Variants in TDRD12 observed in about 807,000 individuals in gnomAD.
The protein encoded by TDRD12 is putative ATP-dependent RNA helicase TDRD12.
TDRD12 carries 158 observed loss-of-function variants against 133.5 expected under a neutral mutation model. The observed-to-expected ratio is 1.18, with a 90% CI of 1.04 to 1.35. The LOEUF (loss-of-function observed/expected upper bound fraction) is 1.35, where lower values mean the gene tolerates loss of function less well. Ranked by LOEUF, TDRD12 falls within the 40% of genes most tolerant of loss-of-function variation. The probability of loss-of-function intolerance (pLI) is 0.00; values close to 1 mark genes in which losing one functional copy is unlikely to be tolerated. For missense variants in TDRD12, 1,443 were observed against 1,321.3 expected (o/e 1.09, Z -1.43); for synonymous variants, 460 against 477.9 (o/e 0.96, Z 0.49).
chr19:32,733,438 C>A (rs1227019895), intron 2 of TDRD12, among the ~76,000 whole-genome samples: 1 of 150,798 alleles, frequency 6.6e-6, no homozygotes, highest in Non-Finnish European at 1.5e-5. Context: ...CCATTGCACT[C>A]CAGCCTAGGC....
At position 32,769,317 on chromosome 19, in the gene TDRD12, C is replaced by A. The variant is rs1438580845; in HGVS notation, c.866-3436C>A. ...GGTCAGGATTTGGTTTTGTTTTTTCCATGTGGGCATCCAGTTGTTCCACTA... is the reference window on the plus strand; with the variant it reads ...GGTCAGGATTTGGTTTTGTTTTTTCAATGTGGGCATCCAGTTGTTCCACTA... On this transcript the variant is annotated intron_variant, in intron 8 of 27. Coordinates refer to ENST00000444215, the Ensembl canonical transcript of TDRD12. Among the ~76,000 whole-genome samples, 3 of 152,048 alleles carry A rather than the reference C, an allele frequency of 2.0e-5. No homozygotes were observed. The East Asian group carries it at 5.8e-4, about 29-fold the overall frequency.
intron 10 of TDRD12, among the ~76,000 whole-genome samples, chr19:32,774,429 T>G (rs1423647271): frequency 4.6e-5 from 7 of 152,194 alleles, no homozygotes; most frequent in Non-Finnish European, 1.0e-4. Flanking sequence ...ATTTCTTGCA[T>G]TGCAGGTCTG....
chr19:32,767,190 G>A (rs190080675), intron 8 of TDRD12, among the ~76,000 whole-genome samples: 38 of 150,998 alleles, frequency 2.5e-4, no homozygotes, highest in Admixed American at 5.3e-4. Context: ...GTGCAGTGGC[G>A]CCATCTCAGC....
At chr19:32,779,361 G>A (rs1568473394) in intron 11 of TDRD12, among the ~76,000 whole-genome samples, 1 of 152,132 alleles carries the variant, frequency 6.6e-6, no homozygotes, top group Non-Finnish European at 1.5e-5. Context: ...GTACCAGTAA[G>A]CGGTTGTATT....
chr19:32,732,595 C>T (rs1409517422), intron 2 of TDRD12, among the ~76,000 whole-genome samples: 1 of 152,210 alleles, frequency 6.6e-6, no homozygotes, highest in Non-Finnish European at 1.5e-5. Context: ...GTGGCCCCTC[C>T]TTGCCTTCTT....
At chr19:32,797,437 G>A (rs1348800460) in intron 14 of TDRD12, among the ~76,000 whole-genome samples, 1 of 152,162 alleles carries the variant, frequency 6.6e-6, no homozygotes, top group African/African-American at 2.4e-5. Flanking sequence ...TCACCTCTCT[G>A]TACCTCAAGT....
rs112827272 is a variant in TDRD12 at position 32,799,233 on chromosome 19, G to A, written c.1758+798G>A. Among the ~76,000 whole-genome samples the A allele has an allele frequency of 2.9e-4, 44 of 152,168 alleles. 1 individual carries two copies. The highest frequency in any genetic ancestry group is 3.4e-3 in the Middle Eastern group (1 of 294). On this transcript the variant is annotated intron_variant, in intron 16 of 27. Coordinates refer to ENST00000444215, the Ensembl canonical transcript of TDRD12. ...CAGGCTTTGTTACTGACTATGAGGC[G>A]GTGCAGGGTTCTTGAACTCCTCTGA...
chr19:32,826,362 G>A lies in TDRD12; in HGVS notation c.895+5G>A. 7.8e-7 allele frequency: 1 copy of A among 1,289,026 alleles called. No homozygotes were observed. The highest frequency in any genetic ancestry group is 2.8e-5 in the South Asian group (1 of 35,268). 79.8% of individuals were successfully genotyped at this position (1,289,026 alleles called of 1,614,324 possible). A position where few individuals can be genotyped will look rare whatever the true frequency, so the allele number is the denominator to read the frequency against. On this transcript the variant is annotated splice_donor_5th_base_variant and intron_variant, in intron 8 of 9. Transcript: ENST00000637289. ...AAGGGATAGAGTCGTTTTCAGGTAGGTTTATGTATAGTCATATAAAGTAAA... is the reference window on the plus strand; with the variant it reads ...AAGGGATAGAGTCGTTTTCAGGTAGATTTATGTATAGTCATATAAAGTAAA...
At chr19:32,736,157 A>T (rs1184594979) in intron 2 of TDRD12, among the ~76,000 whole-genome samples, 2 of 152,236 alleles carry the variant, frequency 1.3e-5, no homozygotes, top group African/African-American at 2.4e-5. Flanking sequence ...CGAATGGAAC[A>T]AGAAAGCCTG....
intron 8 of TDRD12, among the ~76,000 whole-genome samples, chr19:32,764,461 G>A (rs1354036594): frequency 6.6e-6 from 1 of 152,050 alleles, no homozygotes; most frequent in Non-Finnish European, 1.5e-5. Flanking sequence ...CTCATTTATG[G>A]AACCCTATAT....
At chr19:32,743,376 C>G (rs1403580987) in intron 4 of TDRD12, among the ~76,000 whole-genome samples, 1 of 150,870 alleles carries the variant, frequency 6.6e-6, no homozygotes, top group Non-Finnish European at 1.5e-5. Flanking sequence ...CCCCCACTCC[C>G]TCTCCCCACC....
intron 11 of TDRD12, among the ~76,000 whole-genome samples, chr19:32,780,605 G>A (rs1297311313): frequency 2.0e-5 from 3 of 151,966 alleles, no homozygotes; most frequent in East Asian, 1.9e-4. Flanking sequence ...ACACCCACAC[G>A]TCTGTTCTTC....
At chr19:32,781,535 T>C (rs1970765940) in intron 11 of TDRD12, among the ~76,000 whole-genome samples, 1 of 152,224 alleles carries the variant, frequency 6.6e-6, no homozygotes, top group East Asian at 1.9e-4. Context: ...ACATAAATTT[T>C]TTAGAGACTT....
At position 32,770,493 on chromosome 19, in the gene TDRD12, C is replaced by G. The variant is rs1035177680; in HGVS notation, c.866-2260C>G. On this transcript the variant is annotated intron_variant, in intron 8 of 27. Transcript: ENST00000444215. The stretch of plus-strand genomic sequence containing the variant: ...AATGAAGTTTCAAGGTCATCATTGT[C>G]TGTCCTCACATCAAGAACGTCACAT... 2.0e-5 allele frequency among the ~76,000 whole-genome samples: 3 copies of G among 152,130 alleles called. No individual in the cohort carries two copies. The South Asian group carries it at 6.2e-4, about 32-fold the overall frequency.
intron 1 of TDRD12, among the ~76,000 whole-genome samples, chr19:32,728,359 A>G (rs1968923681): frequency 6.6e-6 from 1 of 151,212 alleles, no homozygotes; most frequent in Admixed American, 6.6e-5. Context: ...TAGGATTGAC[A>G]TCTTAATGAT....
At chr19:32,736,515 A>G (rs1269123146) in intron 2 of TDRD12, among the ~76,000 whole-genome samples, 1 of 152,226 alleles carries the variant, frequency 6.6e-6, no homozygotes, top group Non-Finnish European at 1.5e-5. Context: ...GGCTGTGTGA[A>G]TTATTAACTA....
Position 32,804,337 on chromosome 19 carries a change from G to T in TDRD12, c.2552+1195G>T, listed in dbSNP as rs1468984768. Among the ~76,000 whole-genome samples, 8 of 151,382 alleles carry T rather than the reference G, an allele frequency of 5.3e-5. No homozygotes were observed. The East Asian group carries it at 1.6e-3, about 30-fold the overall frequency. On this transcript the variant is annotated intron_variant, in intron 21 of 27. Coordinates refer to ENST00000444215, the Ensembl canonical transcript of TDRD12. Reference sequence around the variant, plus strand: ...TCTGCCCGCCTCGGCCTCCCAAAGTGCTGAGATTACAGGCGTGAGCCACCG... The same window carrying T: ...TCTGCCCGCCTCGGCCTCCCAAAGTTCTGAGATTACAGGCGTGAGCCACCG...
intron 19 of TDRD12, 89 bp from the exon 20 acceptor site, chr19:32,802,567 A>G: frequency 7.2e-7 from 1 of 1,396,396 alleles, no homozygotes; most frequent in Non-Finnish European, 9.5e-7. Flanking sequence ...TGATATGGAA[A>G]TGCACTGCAG....
At chr19:32,734,641 G>A (rs8107328) in intron 2 of TDRD12, among the ~76,000 whole-genome samples, 9,796 of 152,110 alleles carry the variant, frequency 0.064, 539 homozygotes, top group East Asian at 0.24. Flanking sequence ...CCAAAACGCT[G>A]GGATTACAGG....
Sources: gnomAD v4.1 joint callset for allele counts (sites outside exome capture counted in the v4.1 genomes callset) on GRCh38, gnomAD v4.1.1 for gene constraint, MANE v1.5 for transcripts, NCBI Gene and HGNC (gene_info 2026-07-23, HGNC 2026-07-21) for gene names.